C12orf56: variants seen among roughly 807,000 people sequenced by gnomAD.
The protein encoded by C12orf56 is chromosome 12 open reading frame 56.
C12orf56 carries 71 observed loss-of-function variants against 69.9 expected under a neutral mutation model. The observed-to-expected ratio is 1.02, with a 90% CI of 0.84 to 1.24. The LOEUF is 1.24. Ranked by LOEUF, C12orf56 falls within the 50% of genes most tolerant of loss-of-function variation. The pLI is 0.00. For missense variants in C12orf56, 732 were observed against 738.5 expected (o/e 0.99, Z 0.10); for synonymous variants, 276 against 274.1 (o/e 1.01, Z -0.07).
Position 64,380,067 on chromosome 12 carries a change from T to C in C12orf56, c.252+10247A>G, listed in dbSNP as rs545862646. ...TTGCAGTGAGCCGAGATCGTGCCAC[T>C]GCACTCCAGCCTGGGCGACAGAGCA... is the stretch of plus-strand genomic sequence containing the variant. On this transcript the variant is annotated intron_variant, in intron 1 of 12. Transcript: ENST00000543942. 1.4e-4 allele frequency among the ~76,000 whole-genome samples: 17 copies of C among 118,862 alleles called. No homozygotes were observed. The East Asian group carries it at 4.6e-3, about 32-fold the overall frequency. 78.0% of individuals were successfully genotyped at this position (118,862 alleles called of 152,430 possible).
Position 64,278,190 on chromosome 12 carries a change from A to T in C12orf56, c.1311-387T>A, listed in dbSNP as rs888761879. On this transcript the variant is annotated intron_variant, in intron 8 of 12. Coordinates refer to ENST00000543942, the MANE Select transcript of C12orf56 (RefSeq NM_001170633.2). ...TCTGTGGTCAAAGGAGATAGGGGAA[A>T]TACTTGGTTAAACCAAGTTCATCAG... 3.9e-5 allele frequency among the ~76,000 whole-genome samples: 6 copies of T among 152,330 alleles called. No homozygotes were observed. In the South Asian group the frequency reaches 1.2e-3, roughly 32 times the overall value.
At chr12:64,358,482 A>ATC (rs2039352108) in intron 1 of C12orf56, among the ~76,000 whole-genome samples, 74 of 125,942 alleles carry the variant, frequency 5.9e-4, no homozygotes, top group African/African-American at 2.2e-3. Context: ...TAATAATAAT[A>ATC]ATCATCATCA....
chr12:64,346,889 C>A (rs2135944475), intron 2 of C12orf56, among the ~76,000 whole-genome samples: 1 of 152,114 alleles, frequency 6.6e-6, no homozygotes, highest in Middle Eastern at 3.4e-3. Context: ...CCAGTCTGGG[C>A]AACAAATTAA....
intron 2 of C12orf56, among the ~76,000 whole-genome samples, chr12:64,343,845 A>G (rs1348435247): frequency 6.6e-6 from 1 of 152,124 alleles, no homozygotes; most frequent in African/African-American, 2.4e-5. Flanking sequence ...AATGGCTTCC[A>G]TTTGGCCTTT....
intron 3 of C12orf56, 90 bp from the exon 4 acceptor site, chr12:64,319,070 G>A (rs966422736): frequency 5.8e-6 from 7 of 1,201,394 alleles, no homozygotes; most frequent in Non-Finnish European, 7.7e-6. Context: ...GAACACAAAT[G>A]TTTTCTCACA....
chr12:64,374,038 T>A (rs530827549), intron 1 of C12orf56, among the ~76,000 whole-genome samples: 7 of 152,298 alleles, frequency 4.6e-5, no homozygotes, highest in Non-Finnish European at 8.8e-5. Context: ...TGGTCTTTTT[T>A]TCCATTATAT....
intron 2 of C12orf56, chr12:64,338,163 C>A: frequency 1.8e-6 from 1 of 569,174 alleles, no homozygotes; most frequent in South Asian, 1.4e-5. Context: ...AGCTCCACCT[C>A]CCGAAGGCTT....
At chr12:64,315,795 G>T (rs1251074791) in intron 4 of C12orf56, among the ~76,000 whole-genome samples, 1 of 152,040 alleles carries the variant, frequency 6.6e-6, no homozygotes. Context: ...GAAGAGGATG[G>T]TGGCGCATGC....
At chr12:64,325,370 A>AG (rs1286777727) in intron 3 of C12orf56, among the ~76,000 whole-genome samples, 1,236 of 78,402 alleles carry the variant, frequency 0.016, 9 homozygotes, top group Non-Finnish European at 0.023. Context: ...CTAAAAAAAA[A>AG]AAAAGAAGAA....
intron 1 of C12orf56, among the ~76,000 whole-genome samples, chr12:64,363,454 C>T (rs1351527709): frequency 2.0e-5 from 3 of 152,072 alleles, no homozygotes; most frequent in African/African-American, 7.2e-5. Flanking sequence ...CTTTGACCCA[C>T]GAGGGGGATA....
intron 1 of C12orf56, among the ~76,000 whole-genome samples, chr12:64,356,175 A>C (rs79177343): frequency 0.097 from 14,201 of 145,776 alleles, 881 homozygotes; most frequent in Middle Eastern, 0.2. Context: ...CATCTCAAAA[A>C]AAAAAAAAAA....
intron 1 of C12orf56, among the ~76,000 whole-genome samples, chr12:64,356,543 T>C (rs1359639871): frequency 6.6e-6 from 1 of 152,146 alleles, no homozygotes; most frequent in African/African-American, 2.4e-5. Context: ...CTAATTCCAA[T>C]TGGCTAATTT....
At chr12:64,285,743 G>A (rs985802478) in intron 7 of C12orf56, among the ~76,000 whole-genome samples, 4 of 152,060 alleles carry the variant, frequency 2.6e-5, no homozygotes, top group Non-Finnish European at 4.4e-5. Context: ...GGCAAAGATC[G>A]TGCCACTGCA....
intron 6 of C12orf56, among the ~76,000 whole-genome samples, chr12:64,298,621 C>T (rs961268419): frequency 1.3e-5 from 2 of 152,140 alleles, no homozygotes; most frequent in African/African-American, 4.8e-5. Flanking sequence ...TTCCCAGCAC[C>T]ATTTATTAAA....
In C12orf56 at chr12:64,367,619, C is replaced by A. The variant is rs1376009017; in HGVS notation, c.253-14563G>T. On this transcript the variant is annotated intron_variant, in intron 1 of 12. Transcript: ENST00000543942. ...CTCCTGGGTTCAAGCGATTCTCCTG[C>A]CTCAGCCTCCCGAGTAGCTGAAATT... Among the ~76,000 whole-genome samples the A allele has an allele frequency of 2.0e-5, 3 of 150,966 alleles. No individual in the cohort carries two copies. In the East Asian group the frequency reaches 5.8e-4, roughly 29 times the overall value.
chr12:64,271,794 A>C (rs916937288), intron 11 of C12orf56, among the ~76,000 whole-genome samples: 1 of 152,214 alleles, frequency 6.6e-6, no homozygotes, highest in Non-Finnish European at 1.5e-5. Flanking sequence ...TAGCCTATTT[A>C]GAAATTAAGT....
intron 12 of C12orf56, among the ~76,000 whole-genome samples, chr12:64,269,600 T>C (rs2037955689): frequency 6.6e-6 from 1 of 152,292 alleles, no homozygotes. Flanking sequence ...TACACTTTTT[T>C]TTTTTTGAGG....
chr12:64,387,941 A>G (rs977899261), intron 1 of C12orf56, among the ~76,000 whole-genome samples: 3 of 152,242 alleles, frequency 2.0e-5, no homozygotes, highest in African/African-American at 7.2e-5. Flanking sequence ...AAATGTTTAC[A>G]CTGGAGACAA....
In C12orf56 at chr12:64,354,858, C is replaced by T. The variant is rs185227889; in HGVS notation, c.253-1802G>A. Among the ~76,000 whole-genome samples the T allele has an allele frequency of 4.9e-4, 73 of 150,016 alleles. No homozygotes were observed. In the East Asian group the frequency reaches 0.013, roughly 26 times the overall value. ...CTTTGGGAGGCTGAGGCCAGTGGAT[C>T]GCCTGAAGTCAGGAGTTCGAGACCA... On this transcript the variant is annotated intron_variant, in intron 1 of 12. Transcript: ENST00000543942.
Sources: gnomAD v4.1 joint callset for allele counts (sites outside exome capture counted in the v4.1 genomes callset) on GRCh38, gnomAD v4.1.1 for gene constraint, MANE v1.5 for transcripts, NCBI Gene and HGNC (gene_info 2026-07-23, HGNC 2026-07-21) for gene names.